The following TMEM269 variants were observed in gnomAD, a reference collection of about 807,000 sequenced individuals.
TMEM269 encodes transmembrane protein 269.
A neutral mutation model predicts 15.8 loss-of-function variants in TMEM269; 12 were observed. The ratio of observed to expected loss-of-function variants is 0.76; its 90% CI spans 0.49 to 1.23. TMEM269 has a LOEUF of 1.23. TMEM269 is among the 50% of genes most tolerant of loss of function. The pLI is 0.00. For synonymous variants in TMEM269, 93 were observed against 99.3 expected, an observed-to-expected ratio of 0.94 and a Z score of 0.38; for missense variants, 211 against 245.4, an observed-to-expected ratio of 0.86 and a Z score of 0.94.
rs1653598697 is a variant in TMEM269, at chr1:42,788,971, G to C, written c.-98-825G>C. ...GAGTCTCACTCGGTCACCCAGGCTG[G>C]AGTGCAGTGGTGTGATCTCGGCTCA... On this transcript the variant is annotated intron_variant, in intron 1 of 5. Coordinates refer to ENST00000637012, the MANE Select transcript of TMEM269 (RefSeq NM_001354602.2). This position sits in a 1 kb window ranked among gnomAD's most constrained non-coding sequence, Gnocchi z 4.0. 6.6e-6 allele frequency among the ~76,000 whole-genome samples: 1 copy of C among 151,190 alleles called. No individual in the cohort carries two copies. Among genetic ancestry groups the C allele is most frequent in the African/African-American group, 2.4e-5 (1 of 41,032 alleles).
chr1:42,794,620 G>A lies in TMEM269; in HGVS notation c.484+7G>A. ...AAATTGGTTTATATAGGAGGTGAGT[G>A]AAAATGTCACTATGGCCAGTTTGTT... On this transcript the variant is annotated splice_region_variant and intron_variant, in intron 5 of 5. Coordinates refer to ENST00000637012, the MANE Select transcript of TMEM269 (RefSeq NM_001354602.2). 1 of 1,536,164 alleles carries A rather than the reference G, an allele frequency of 6.5e-7. No individual in the cohort carries two copies. The highest frequency in any genetic ancestry group is 8.8e-7 in the Non-Finnish European group (1 of 1,133,824).
In TMEM269 at chr1:42,800,601, G is replaced by A. The variant is rs1309576459; in HGVS notation, c.*2376G>A. The stretch of plus-strand genomic sequence containing the variant: ...TTCTGTGTCTGATAAGCGGAATCAA[G>A]TGACTGAGAATTCTGCTACTCTTTT... On this transcript the variant is annotated 3_prime_UTR_variant, in exon 6 of 6. Transcript: ENST00000637012. 2 of 152,152 alleles carry A rather than the reference G, an allele frequency of 1.3e-5. No homozygotes were observed. The highest frequency in any genetic ancestry group is 4.8e-5 in the African/African-American group (2 of 41,408). The allele number at this position is 152,152 out of a possible 1,614,324, so 9.4% of individuals were successfully genotyped here. A position where few individuals can be genotyped will look rare whatever the true frequency, so the allele number is the denominator to read the frequency against.
At chr1:42,792,945 ATCCATCTGGGGTCACCCCTTCG>A (rs1226060016) in intron 3 of TMEM269, 43 bp downstream of exon 3, 100 of 1,466,006 alleles carry the variant, frequency 6.8e-5, no homozygotes, top group Non-Finnish European at 9.1e-5. Flanking sequence ...CCCCAGTAGC[ATCCATCTGGGGTCACCCCTTCG>A]TCCATCCTCT....
intron 2 of TMEM269, 117 bp downstream of exon 2, chr1:42,790,051 G>A: frequency 2.7e-6 from 2 of 747,642 alleles, no homozygotes; most frequent in Non-Finnish European, 4.5e-6. Flanking sequence ...TGTACCCAGG[G>A]TAAGTGCAGT....
rs1288501677 is a variant in TMEM269, at chr1:42,798,213, G to A, written c.600G>A (p.Ser200=). The A allele has an allele frequency of 5.8e-6, 9 of 1,546,472 alleles. No homozygotes were observed. The South Asian group carries it at 5.9e-5, about 10-fold the overall frequency. The part of the protein sequence containing the change: ...DALWGKAACL[S]PQH ...TGTGGGGCAAGGCAGCCTGTCTTTC[G>A]CCACAGCACTGAGGAAGCTAAGCAG... The change falls in exon 6 of 6, where the codon TCG becomes TCA. Residue 200 remains serine (S), a synonymous_variant. Transcript: ENST00000637012.
chr1:42,800,068 TC>T lies in TMEM269; in HGVS notation c.*1845del, dbSNP rs1653862983. On this transcript the variant is annotated 3_prime_UTR_variant, in exon 6 of 6. Transcript: ENST00000637012. Reference sequence around the variant, plus strand: ...GCAATTCTGAAAGAGAATTTCCATGTCCATTTTAAGTGACAGCAGCAGAGAG... The same window carrying T: ...GCAATTCTGAAAGAGAATTTCCATGTCATTTTAAGTGACAGCAGCAGAGAG... 1 of 152,234 alleles carries T rather than the reference TC, an allele frequency of 6.6e-6. No individual in the cohort carries two copies. Among genetic ancestry groups the T allele is most frequent in the African/African-American group, 2.4e-5 (1 of 41,452 alleles). 9.4% of individuals were successfully genotyped at this position (152,234 alleles called of 1,614,324 possible). A position where few individuals can be genotyped will look rare whatever the true frequency, so the allele number is the denominator to read the frequency against.
rs1653808559 is a variant in TMEM269 at position 42,797,531 on chromosome 1, C to G, written c.485-567C>G. Among the ~76,000 whole-genome samples the G allele has an allele frequency of 6.6e-6, 1 of 152,154 alleles. No homozygotes were observed. Among genetic ancestry groups the G allele is most frequent in the Non-Finnish European group, 1.5e-5 (1 of 68,022 alleles). On this transcript the variant is annotated intron_variant, in intron 5 of 5. Coordinates refer to ENST00000637012, the MANE Select transcript of TMEM269 (RefSeq NM_001354602.2). This position sits in a 1 kb window ranked among gnomAD's most constrained non-coding sequence, Gnocchi z 4.9. ...TTCCCAGAAGGAAACCAGGTGTTAC[C>G]ACCGTGCTTATATGGACAGTCTAGG...
chr1:42,798,240 T>C lies in TMEM269; in HGVS notation c.*15T>C. ...CACAGCACTGAGGAAGCTAAGCAGC[T>C]CTACCAGCTCCTGCCGGCCTCTGTG... On this transcript the variant is annotated 3_prime_UTR_variant, in exon 6 of 6. Transcript: ENST00000637012. The C allele has an allele frequency of 6.5e-7, 1 of 1,543,654 alleles. No homozygotes were observed. Among genetic ancestry groups the C allele is most frequent in the Non-Finnish European group, 8.7e-7 (1 of 1,146,944 alleles).
In TMEM269 at chr1:42,793,690, C is replaced by A. The variant is rs1304923216; in HGVS notation, c.229C>A (p.Leu77Met). The A allele has an allele frequency of 2.6e-6, 4 of 1,550,624 alleles. No individual in the cohort carries two copies. The highest frequency in any genetic ancestry group is 3.5e-6 in the Non-Finnish European group (4 of 1,146,982). Residue 77 changes from leucine (L) to methionine (M), a missense_variant, in exon 4 of 6, where the codon CTG (leucine) becomes ATG (methionine). Coordinates refer to ENST00000637012, the MANE Select transcript of TMEM269 (RefSeq NM_001354602.2). ...CGTGGATGGACTTCTGAGTGGGATCCTGGCCATCATCTATGTGTCAGCTGC... is the reference window on the plus strand; with the variant it reads ...CGTGGATGGACTTCTGAGTGGGATCATGGCCATCATCTATGTGTCAGCTGC... Reference protein sequence around the residue: ...LGVDGLLSGILAIIYVSAASF... With the variant: ...LGVDGLLSGIMAIIYVSAASF...
In TMEM269 at chr1:42,798,299, C is replaced by G. The variant is rs1653823921; in HGVS notation, c.*74C>G. On this transcript the variant is annotated 3_prime_UTR_variant, in exon 6 of 6. Transcript: ENST00000637012. ...GTCAGCATATTGGGTCAAGCCTGCA[C>G]TAAAGCTTTGTATGTACCTGTGTTG... is the stretch of plus-strand genomic sequence containing the variant. The G allele has an allele frequency of 3.5e-5, 54 of 1,524,322 alleles. No homozygotes were observed. Among genetic ancestry groups the G allele is most frequent in the Non-Finnish European group, 4.5e-5 (51 of 1,138,006 alleles). 94.4% of individuals were successfully genotyped at this position (1,524,322 alleles called of 1,614,324 possible).
At chr1:42,790,461 C>T (rs895544226) in intron 2 of TMEM269, among the ~76,000 whole-genome samples, 9 of 152,056 alleles carry the variant, frequency 5.9e-5, no homozygotes, top group Non-Finnish European at 1.2e-4. Context: ...TTCTCATCCA[C>T]AAAATAAGAT....
At chr1:42,794,640 T>C (rs1205017304) in intron 5 of TMEM269, 27 bp downstream of exon 5, 1 of 1,497,188 alleles carries the variant, frequency 6.7e-7, no homozygotes, top group Non-Finnish European at 9.1e-7. Context: ...CTATGGCCAG[T>C]TTGTTATCAC....
At chr1:42,789,439 G>A (rs1035534673) in intron 1 of TMEM269, 5 of 1,535,380 alleles carry the variant, frequency 3.3e-6, no homozygotes, top group East Asian at 4.9e-5. Context: ...TCAGATGGGA[G>A]AAGGGCCCCA....
At position 42,797,654 on chromosome 1, in the gene TMEM269, G is replaced by A. The variant is rs1653810079; in HGVS notation, c.485-444G>A. On this transcript the variant is annotated intron_variant, in intron 5 of 5. Transcript: ENST00000637012. The surrounding 1 kb of genome is among the most constrained non-coding windows in gnomAD (Gnocchi z 4.9). The stretch of plus-strand genomic sequence containing the variant: ...CAGCCATCAGCCAAGGGCCAGCCTT[G>A]CAAGAAGGCCTTTCTGAGGATAGCA... Among the ~76,000 whole-genome samples, 1 of 152,230 alleles carries A rather than the reference G, an allele frequency of 6.6e-6. No individual in the cohort carries two copies. The highest frequency in any genetic ancestry group is 1.5e-5 in the Non-Finnish European group (1 of 68,036).
chr1:42,787,542 G>A (rs2124209599), intron 1 of TMEM269, among the ~76,000 whole-genome samples: 1 of 145,414 alleles, frequency 6.9e-6, no homozygotes. Flanking sequence ...GGAGCTTGCA[G>A]TGAGCCGAGA....
At chr1:42,792,742 G>T in intron 2 of TMEM269, 63 bp from the exon 3 acceptor site, 1 of 949,262 alleles carries the variant, frequency 1.1e-6, no homozygotes, top group Admixed American at 2.0e-5. Flanking sequence ...GGGGGCAGGG[G>T]AGAGTCTCCA....
At chr1:42,789,522 G>A (rs1653642195) in intron 1 of TMEM269, 8 of 1,530,466 alleles carry the variant, frequency 5.2e-6, no homozygotes, top group East Asian at 2.4e-5. Context: ...TGTGCTGTGG[G>A]GCAAAGGTGC....
In TMEM269 at chr1:42,799,116, A is replaced by G. The variant is rs1287470023; in HGVS notation, c.*891A>G. On this transcript the variant is annotated 3_prime_UTR_variant, in exon 6 of 6. Coordinates refer to ENST00000637012, the MANE Select transcript of TMEM269 (RefSeq NM_001354602.2). ...TAGCAGTTAGATACATTGGTGACAC[A>G]GGGCATCATCTGGCTTGCAGGATCT... 6.6e-6 allele frequency: 1 copy of G among 151,734 alleles called. No homozygotes were observed. The highest frequency in any genetic ancestry group is 1.5e-5 in the Non-Finnish European group (1 of 67,934). The allele number at this position is 151,734 out of a possible 1,614,324, so 9.4% of individuals were successfully genotyped here.
At chr1:42,792,186 G>A (rs774460551) in intron 2 of TMEM269, among the ~76,000 whole-genome samples, 10 of 151,734 alleles carry the variant, frequency 6.6e-5, no homozygotes, top group Admixed American at 3.9e-4. Context: ...ATGAAACAAG[G>A]GCCATTACTA....
Sources: allele counts gnomAD v4.1 joint callset (sites outside exome capture counted in the v4.1 genomes callset), GRCh38; gene constraint gnomAD v4.1.1; non-coding constraint Gnocchi (gnomAD v3.1); transcripts MANE v1.5; gene names NCBI Gene and HGNC (gene_info 2026-07-23, HGNC 2026-07-21).